KLHL24: variants seen among roughly 807,000 people sequenced by gnomAD.
The protein encoded by KLHL24 is kelch like family member 24.
In KLHL24, 29 loss-of-function variants were observed where a neutral mutation model predicts 53.4. The ratio of observed to expected loss-of-function variants is 0.54; its 90% CI spans 0.40 to 0.74. The LOEUF (loss-of-function observed/expected upper bound fraction) is 0.74, where lower values mean the gene tolerates loss of function less well. Among genes scored for constraint, KLHL24 ranks in the 30% least tolerant of loss-of-function variants. KLHL24 has a pLI of 0.00. For synonymous variants in KLHL24, 222 were observed against 253.7 expected (o/e 0.88, Z 1.19); for missense variants, 504 against 744.0 (o/e 0.68, Z 3.75).
At chr3:183,672,213 T>G (rs1721423279) in intron 6 of KLHL24, 83 bp from the exon 7 acceptor site, 3 of 614,946 alleles carry the variant, frequency 4.9e-6, no homozygotes, top group South Asian at 4.0e-5. Context: ...TAAATAATGT[T>G]TGTAGGTATT....
At chr3:183,659,934 A>G (rs1357172945) in intron 3 of KLHL24, among the ~76,000 whole-genome samples, 1 of 152,184 alleles carries the variant, frequency 6.6e-6, no homozygotes, top group African/African-American at 2.4e-5. Context: ...CAGATGCCCA[A>G]TAGCAACCGT....
At chr3:183,652,777 G>A (rs184112147) in intron 3 of KLHL24, among the ~76,000 whole-genome samples, 4 of 152,206 alleles carry the variant, frequency 2.6e-5, no homozygotes, top group East Asian at 3.9e-4. Flanking sequence ...TTAGTTCTTC[G>A]AGAACTTTCA....
intron 1 of KLHL24, chr3:183,636,749 T>TGGAGGACGCGCG (rs1715304550): frequency 3.9e-5 from 6 of 152,092 alleles, no homozygotes; most frequent in Admixed American, 3.9e-4. Flanking sequence ...GAAGGTGATC[T>TGGAGGACGCGCG]GGAGGACGCG....
Position 183,651,010 on chromosome 3 carries a change from T to C in KLHL24, c.654T>C (p.Ser218=), listed in dbSNP as rs762927216. The change falls in exon 3 of 8, where the codon AGT becomes AGC. Residue 218 remains serine, a synonymous_variant. Transcript: ENST00000242810. The part of the protein sequence containing the change: ...DKDELIDYIC[S]DELVIGKEEM... ...ATGAACTTATTGATTATATTTGTAG[T>C]GATGAACTTGTTATTGGTAAAGAGG... The C allele has an allele frequency of 5.6e-6, 9 of 1,614,220 alleles. No homozygotes were observed. The East Asian group carries it at 1.8e-4, about 32-fold the overall frequency.
chr3:183,650,500 T>C lies in KLHL24; in HGVS notation c.144T>C (p.His48=). The C allele has an allele frequency of 6.2e-7, 1 of 1,614,158 alleles. No homozygotes were observed. Among genetic ancestry groups the C allele is most frequent in the Non-Finnish European group, 8.5e-7 (1 of 1,180,028 alleles). Residue 48 remains histidine, a synonymous_variant, in exon 3 of 8, where the codon CAT becomes CAC. Transcript: ENST00000242810. This position sits in a 1 kb window ranked among gnomAD's most constrained non-coding sequence, Gnocchi z 4.5. ...EFFDFSSGSS[H]AENILQIFNE... is the part of the protein sequence containing the mutation. ...TTGACTTCTCTTCAGGATCATCCCA[T>C]GCCGAAAACATACTCCAGATATTTA...
intron 5 of KLHL24, among the ~76,000 whole-genome samples, chr3:183,669,279 G>C (rs1721008272): frequency 6.6e-6 from 1 of 152,092 alleles, no homozygotes; most frequent in Non-Finnish European, 1.5e-5. Context: ...TTGAAGCCAG[G>C]AGGCAGACAT....
intron 7 of KLHL24, among the ~76,000 whole-genome samples, chr3:183,675,854 T>TTTAGGAAGA (rs1711756760): frequency 6.6e-6 from 1 of 152,140 alleles, no homozygotes; most frequent in Non-Finnish European, 1.5e-5. Flanking sequence ...ACGATAACAG[T>TTTAGGAAGA]TTAGGAAGAT....
In KLHL24 at chr3:183,650,660, A is replaced by G; in HGVS notation, c.304A>G (p.Ser102Gly). Residue 102 changes from serine (S) to glycine (G), a missense_variant, in exon 3 of 8, where the codon AGC (serine) becomes GGC (glycine). Ser to Gly is a moderately conservative substitution (Grantham distance 56). Transcript: ENST00000242810. This position sits in a 1 kb window ranked among gnomAD's most constrained non-coding sequence, Gnocchi z 4.5. Reference protein sequence around the residue: ...RAMFCNDHRESREMLVEINGI... With the variant: ...RAMFCNDHREGREMLVEINGI... ...TATGTTTTGTAATGACCACAGGGAA[A>G]GCCGAGAAATGTTGGTTGAGATCAA... 6.2e-7 allele frequency: 1 copy of G among 1,614,154 alleles called. No individual in the cohort carries two copies. The highest frequency in any genetic ancestry group is 8.5e-7 in the Non-Finnish European group (1 of 1,180,040).
Position 183,650,163 on chromosome 3 carries a change from A to G in KLHL24, c.-61-133A>G, listed in dbSNP as rs901514207. The G allele has an allele frequency of 5.8e-6, 3 of 513,028 alleles. No homozygotes were observed. The highest frequency in any genetic ancestry group is 3.4e-5 in the South Asian group (1 of 29,448). 31.8% of individuals were successfully genotyped at this position (513,028 alleles called of 1,614,324 possible). On this transcript the variant is annotated intron_variant, in intron 2 of 7. Coordinates refer to ENST00000242810, the MANE Select transcript of KLHL24 (RefSeq NM_017644.3). The surrounding 1 kb of genome is among the most constrained non-coding windows in gnomAD (Gnocchi z 4.5). ...TTTTTGTTGATTAGTTTTTATTAAC[A>G]TGAGATAGTGCTGTGTACCCTATAT...
In KLHL24 at chr3:183,679,468, GA is replaced by G. The variant is rs889354945; in HGVS notation, c.*192del. 4.5e-4 allele frequency: 228 copies of G among 504,444 alleles called. 1 individual carries two copies. Among genetic ancestry groups the G allele is most frequent in the South Asian group, 5.9e-4 (21 of 35,728 alleles). The allele number at this position is 504,444 out of a possible 1,614,324, so 31.2% of individuals were successfully genotyped here. A position where few individuals can be genotyped will look rare whatever the true frequency, so the allele number is the denominator to read the frequency against. ...CTATAATAAAGCCTTTCCTATAATT[GA>G]AAAAAAAAACTTTTTTGTTAAAGGT... On this transcript the variant is annotated 3_prime_UTR_variant, in exon 8 of 8. Transcript: ENST00000242810.
intron 3 of KLHL24, among the ~76,000 whole-genome samples, chr3:183,662,391 G>GT (rs969307250): frequency 1.3e-5 from 2 of 149,246 alleles, no homozygotes; most frequent in East Asian, 2.0e-4. Flanking sequence ...CCTGATGTGG[G>GT]TTTTTTTTTC....
chr3:183,669,957 A>G (rs1721116325), intron 5 of KLHL24, among the ~76,000 whole-genome samples: 1 of 152,184 alleles, frequency 6.6e-6, no homozygotes, highest in African/African-American at 2.4e-5. Flanking sequence ...ATTAAGAGAA[A>G]TGTGAGCTGG....
chr3:183,637,193 G>A (rs553323302), intron 1 of KLHL24, among the ~76,000 whole-genome samples: 2 of 152,258 alleles, frequency 1.3e-5, no homozygotes, highest in South Asian at 4.2e-4. Context: ...CAAAAATCAC[G>A]TCTTTGTATT....
At chr3:183,664,226 A>G (rs1174810630) in intron 4 of KLHL24, 3 of 152,246 alleles carry the variant, frequency 2.0e-5, no homozygotes, top group Non-Finnish European at 4.4e-5. Flanking sequence ...CATGTAGAAT[A>G]TGCTGTAATT....
intron 7 of KLHL24, among the ~76,000 whole-genome samples, chr3:183,677,949 G>A (rs1197176687): frequency 6.6e-6 from 1 of 151,900 alleles, no homozygotes; most frequent in Admixed American, 6.6e-5. Flanking sequence ...CCCCCACCAC[G>A]TCCAGCTAAT....
intron 2 of KLHL24, among the ~76,000 whole-genome samples, chr3:183,646,976 AT>A (rs34105624): frequency 0.012 from 1,574 of 133,746 alleles, 28 homozygotes; most frequent in African/African-American, 0.037. Flanking sequence ...CGCCCAGCTA[AT>A]TTTTTTTTTT....
rs1042027845 is a variant in KLHL24, at chr3:183,680,423, C to G, written c.*1137C>G. 1 of 152,208 alleles carries G rather than the reference C, an allele frequency of 6.6e-6. No individual in the cohort carries two copies. The highest frequency in any genetic ancestry group is 2.4e-5 in the African/African-American group (1 of 41,456). 9.4% of individuals were successfully genotyped at this position (152,208 alleles called of 1,614,324 possible). On this transcript the variant is annotated 3_prime_UTR_variant, in exon 8 of 8. Transcript: ENST00000242810. ...CACTTTCTAGTGAACAGCTAAAATTCCTGAGAGTCTCTACTGTTAAGGTAC... is the reference window on the plus strand; with the variant it reads ...CACTTTCTAGTGAACAGCTAAAATTGCTGAGAGTCTCTACTGTTAAGGTAC...
rs116961268 is a variant in KLHL24, at chr3:183,650,946, A to C, written c.590A>C (p.Asp197Ala). Reference protein sequence around the residue: ...CKNFALQTFEDVSQHEEFLEL... With the variant: ...CKNFALQTFEAVSQHEEFLEL... ...AATTTTGCGTTACAGACTTTTGAGG[A>C]TGTATCCCAGCACGAAGAATTTCTT... Residue 197 changes from aspartate (D) to alanine (A), a missense_variant, in exon 3 of 8, where the codon GAT (aspartate) becomes GCT (alanine). Transcript: ENST00000242810. This position sits in a 1 kb window ranked among gnomAD's most constrained non-coding sequence, Gnocchi z 4.5. 7.8e-4 allele frequency: 1,259 copies of C among 1,614,214 alleles called. 8 individuals are homozygous for C. The East Asian group carries it at 9.6e-3, about 12-fold the overall frequency.
At chr3:183,648,282 A>G (rs920674606) in intron 2 of KLHL24, among the ~76,000 whole-genome samples, 9 of 152,210 alleles carry the variant, frequency 5.9e-5, no homozygotes, top group South Asian at 2.1e-4. Flanking sequence ...AATACTATAT[A>G]TAAGAGAATG....
Sources: allele counts gnomAD v4.1 joint callset (sites outside exome capture counted in the v4.1 genomes callset), GRCh38; gene constraint gnomAD v4.1.1; non-coding constraint Gnocchi (gnomAD v3.1); transcripts MANE v1.5; gene names NCBI Gene and HGNC (gene_info 2026-07-23, HGNC 2026-07-21).